Variants in SLC1A1 observed in about 807,000 individuals in gnomAD.
SLC1A1 encodes the protein solute carrier family 1 member 1, also known as excitatory amino acid transporter 3.
SLC1A1 carries 43 observed loss-of-function variants against 53.3 expected under a neutral mutation model. That is an observed-to-expected ratio of 0.81 (90% CI 0.63 to 1.04). The LOEUF is 1.04. Ranked by LOEUF, SLC1A1 falls within the 50% of genes least tolerant of loss-of-function variation. SLC1A1 has a pLI of 0.00. For synonymous variants in SLC1A1, 307 were observed against 243.2 expected, an observed-to-expected ratio of 1.26 and a Z score of -2.44; for missense variants, 748 against 664.9, an observed-to-expected ratio of 1.12 and a Z score of -1.37.
chr9:4,501,956 C>T (rs1313774598), intron 1 of SLC1A1, among the ~76,000 whole-genome samples: 1 of 151,684 alleles, frequency 6.6e-6, no homozygotes, highest in Non-Finnish European at 1.5e-5. Context: ...GCACCATCAC[C>T]AGAAATGCCT....
chr9:4,521,229 C>G (rs1436702862), intron 1 of SLC1A1, among the ~76,000 whole-genome samples: 4 of 152,060 alleles, frequency 2.6e-5, no homozygotes, highest in Non-Finnish European at 4.4e-5. Context: ...CAACATTTTT[C>G]AAAAAAATTT....
chr9:4,565,713 T>C lies in SLC1A1; in HGVS notation c.441-334T>C, dbSNP rs147035530. On this transcript the variant is annotated intron_variant, in intron 4 of 11. Coordinates refer to ENST00000262352, the MANE Select transcript of SLC1A1 (RefSeq NM_004170.6). Reference sequence around the variant, plus strand: ...GGGACACAGAGCCAAACCATATCAGTAAGCATACAACCTCATTGATGAAAA... The same window carrying C: ...GGGACACAGAGCCAAACCATATCAGCAAGCATACAACCTCATTGATGAAAA... Among the ~76,000 whole-genome samples, 518 of 152,278 alleles carry C rather than the reference T, an allele frequency of 3.4e-3. 5 individuals carry two copies. Among genetic ancestry groups the C allele is most frequent in the African/African-American group, 7.9e-3 (330 of 41,552 alleles).
At chr9:4,519,178 G>T (rs1309568079) in intron 1 of SLC1A1, among the ~76,000 whole-genome samples, 2 of 152,246 alleles carry the variant, frequency 1.3e-5, no homozygotes, top group African/African-American at 4.8e-5. Context: ...TCCACTGGGA[G>T]TGTGTCTTTA....
At chr9:4,524,232 A>G (rs1043836464) in intron 1 of SLC1A1, among the ~76,000 whole-genome samples, 1 of 152,212 alleles carries the variant, frequency 6.6e-6, no homozygotes, top group African/African-American at 2.4e-5. Flanking sequence ...CTCAATTTTA[A>G]TATTTACTGA....
intron 1 of SLC1A1, among the ~76,000 whole-genome samples, chr9:4,534,823 A>G (rs1232651334): frequency 1.3e-5 from 2 of 152,190 alleles, no homozygotes; most frequent in African/African-American, 4.8e-5. Flanking sequence ...ATACTGGCAA[A>G]CCAAATCCAG....
Position 4,564,378 on chromosome 9 carries a change from C to A in SLC1A1, c.360C>A (p.Val120=). The change falls in exon 4 of 12, where the codon GTC becomes GTA. Residue 120 remains valine (V), a synonymous_variant. Coordinates refer to ENST00000262352, the MANE Select transcript of SLC1A1 (RefSeq NM_004170.6). ...IVLVVSIKPG[V]TQKVGEIART... ...TGGTGGTGAGCATCAAGCCTGGTGT[C>A]ACCCAGAAAGTGGGTGAAATTGCGA... The A allele has an allele frequency of 6.2e-7, 1 of 1,613,742 alleles. No individual in the cohort carries two copies. The highest frequency in any genetic ancestry group is 1.1e-5 in the South Asian group (1 of 90,956).
chr9:4,498,750 C>T (rs1317302178), intron 1 of SLC1A1, among the ~76,000 whole-genome samples: 1 of 150,658 alleles, frequency 6.6e-6, no homozygotes, highest in Non-Finnish European at 1.5e-5. Flanking sequence ...TAATTAGTTT[C>T]CATAATATTT....
intron 1 of SLC1A1, among the ~76,000 whole-genome samples, chr9:4,531,049 G>C (rs1046034842): frequency 2.0e-5 from 3 of 152,206 alleles, no homozygotes; most frequent in Non-Finnish European, 2.9e-5. Flanking sequence ...GTATTACTCA[G>C]TGTTTTTAAA....
chr9:4,514,958 G>A (rs559653663), intron 1 of SLC1A1, among the ~76,000 whole-genome samples: 1 of 152,022 alleles, frequency 6.6e-6, no homozygotes, highest in Admixed American at 6.5e-5. Flanking sequence ...CTTGTCTTCT[G>A]ACTGGGCTGG....
intron 10 of SLC1A1, among the ~76,000 whole-genome samples, chr9:4,582,082 C>T (rs301434): frequency 0.53 from 80,935 of 152,154 alleles, 22,353 homozygotes; most frequent in East Asian, 0.85. Flanking sequence ...CCAGAAAGCA[C>T]TGTAGGTGTG....
At position 4,490,702 on chromosome 9, in the gene SLC1A1, G is replaced by A. The variant is rs774712467; in HGVS notation, c.23G>A (p.Gly8Glu). 3.1e-6 allele frequency: 5 copies of A among 1,612,870 alleles called. No individual in the cohort carries two copies. The Admixed American group carries it at 6.7e-5, about 22-fold the overall frequency. Residue 8 changes from glycine (G) to glutamate (E), a missense_variant, in exon 1 of 12, where the codon GGA (glycine) becomes GAA (glutamate). By Grantham distance (98) the Gly-to-Glu change is moderately conservative. Coordinates refer to ENST00000262352, the MANE Select transcript of SLC1A1 (RefSeq NM_004170.6). ...GCCATGGGGAAACCGGCGAGGAAAG[G>A]ATGCGAGTGGAAGCGCTTCCTGAAG... The part of the protein sequence containing the change: MGKPARK[G>E]CEWKRFLKNN...
chr9:4,501,703 G>A (rs1476475348), intron 1 of SLC1A1, among the ~76,000 whole-genome samples: 1 of 151,656 alleles, frequency 6.6e-6, no homozygotes, highest in Non-Finnish European at 1.5e-5. Flanking sequence ...GGCAGAGGTC[G>A]CAGTGAGCCG....
At chr9:4,502,389 GAAAAAAAAAA>G (rs775499017) in intron 1 of SLC1A1, among the ~76,000 whole-genome samples, 5 of 56,496 alleles carry the variant, frequency 8.9e-5, no homozygotes, top group South Asian at 1.2e-3. Context: ...CCTGTCTCCA[GAAAAAAAAAA>G]AAAAAAAAAA....
At position 4,572,195 on chromosome 9, in the gene SLC1A1, G is replaced by A. The variant is rs769059572; in HGVS notation, c.583-9G>A. The A allele has an allele frequency of 2.5e-6, 4 of 1,610,722 alleles. No individual in the cohort carries two copies. The East Asian group carries it at 8.9e-5, about 36-fold the overall frequency. On this transcript the variant is annotated splice_polypyrimidine_tract_variant and intron_variant, in intron 6 of 11. Coordinates refer to ENST00000262352, the MANE Select transcript of SLC1A1 (RefSeq NM_004170.6). ...TGCATCAATATGTTTTCTTGGTTTT[G>A]ATCCACAGAACAAAACAAAGGAATA...
intron 1 of SLC1A1, among the ~76,000 whole-genome samples, chr9:4,505,582 C>G (rs778125168): frequency 6.6e-6 from 1 of 152,162 alleles, no homozygotes; most frequent in South Asian, 2.1e-4. Context: ...ATTGGCTCTA[C>G]GTGCAAAAGA....
At chr9:4,492,801 GAAA>G (rs34631013) in intron 1 of SLC1A1, among the ~76,000 whole-genome samples, 1 of 141,270 alleles carries the variant, frequency 7.1e-6, no homozygotes, top group Admixed American at 7.1e-5. Flanking sequence ...TGTCTAAAAA[GAAA>G]AAAAAAAAAG....
At chr9:4,557,689 CT>C (rs1361122967) in intron 2 of SLC1A1, among the ~76,000 whole-genome samples, 1 of 152,142 alleles carries the variant, frequency 6.6e-6, no homozygotes, top group African/African-American at 2.4e-5. Flanking sequence ...ACACTAGCCA[CT>C]TTCCAAGTGC....
intron 2 of SLC1A1, among the ~76,000 whole-genome samples, chr9:4,555,709 T>C (rs1445523510): frequency 6.6e-6 from 1 of 152,210 alleles, no homozygotes; most frequent in Non-Finnish European, 1.5e-5. Context: ...CACAGGGAAC[T>C]GGAATCGTGC....
At position 4,572,321 on chromosome 9, in the gene SLC1A1, C is replaced by G. The variant is rs1331426396; in HGVS notation, c.700C>G (p.Gln234Glu). 2 of 1,614,134 alleles carry G rather than the reference C, an allele frequency of 1.2e-6. No homozygotes were observed. Among genetic ancestry groups the G allele is most frequent in the South Asian group, 2.2e-5 (2 of 91,084 alleles). The change falls in exon 7 of 12, where the codon CAA becomes GAA. Residue 234 changes from glutamine to glutamate, a missense_variant. Gln to Glu is a conservative substitution (Grantham distance 29, BLOSUM62 2). Coordinates refer to ENST00000262352, the MANE Select transcript of SLC1A1 (RefSeq NM_004170.6). ...CATTGGAAAAATGGGAGAAAAGGGA[C>G]AAATTCTGGTGGATTTCTTCAATGC... ...LVIGKMGEKG[Q>E]ILVDFFNALS... is the part of the protein sequence containing the mutation.
Sources: gnomAD v4.1 joint callset for allele counts (sites outside exome capture counted in the v4.1 genomes callset) on GRCh38, gnomAD v4.1.1 for gene constraint, MANE v1.5 for transcripts, NCBI Gene and HGNC (gene_info 2026-07-23, HGNC 2026-07-21) for gene names.